The following ASIC2 variants were observed in gnomAD, a reference collection of about 807,000 sequenced individuals.
ASIC2 encodes the protein acid sensing ion channel subunit 2.
A neutral mutation model predicts 57.3 loss-of-function variants in ASIC2; 25 were observed. That is an observed-to-expected ratio of 0.44 (90% CI 0.32 to 0.61). The LOEUF is 0.61. Among genes scored for constraint, ASIC2 ranks in the 20% least tolerant of loss-of-function variants. The pLI, the probability that ASIC2 is intolerant of heterozygous loss-of-function variation, is 0.06. For synonymous variants in ASIC2, 319 were observed against 307.5 expected (o/e 1.04, Z -0.39); for missense variants, 641 against 738.1 (o/e 0.87, Z 1.52).
chr17:33,158,777 T>A (rs115896362), intron 1 of ASIC2, among the ~76,000 whole-genome samples: 2 of 152,246 alleles, frequency 1.3e-5, no homozygotes, highest in East Asian at 1.9e-4. Flanking sequence ...TATGGCATCA[T>A]GAAGATTCCA....
intron 1 of ASIC2, among the ~76,000 whole-genome samples, chr17:33,382,539 C>T (rs547718678): frequency 3.9e-5 from 6 of 152,268 alleles, no homozygotes; most frequent in African/African-American, 1.4e-4. Flanking sequence ...TATGTGAAGT[C>T]ACATAAGGAA....
At chr17:34,047,213 C>T (rs970183878) in intron 1 of ASIC2, among the ~76,000 whole-genome samples, 15 of 152,082 alleles carry the variant, frequency 9.9e-5, no homozygotes, top group South Asian at 4.1e-4. Flanking sequence ...CACATACATA[C>T]GTGTATGTAT....
chr17:33,646,115 C>A (rs551484115), intron 1 of ASIC2, among the ~76,000 whole-genome samples: 10 of 152,252 alleles, frequency 6.6e-5, no homozygotes, highest in African/African-American at 2.4e-4. Context: ...ATCCCCAGCT[C>A]ACCGGGGGTT....
intron 3 of ASIC2, among the ~76,000 whole-genome samples, chr17:33,077,543 G>A (rs941751184): frequency 6.6e-6 from 1 of 152,070 alleles, no homozygotes. Context: ...ACTCAAAGAG[G>A]GAGAGAGAGA....
At chr17:33,767,358 T>TTGTGTGTG (rs1315757899) in intron 1 of ASIC2, among the ~76,000 whole-genome samples, 3 of 152,170 alleles carry the variant, frequency 2.0e-5, no homozygotes, top group African/African-American at 7.2e-5. Flanking sequence ...TCACTCAGCT[T>TTGTGTGTG]TGTGTGTGTG....
At chr17:34,074,934 T>G (rs930207744) in intron 1 of ASIC2, among the ~76,000 whole-genome samples, 9 of 151,990 alleles carry the variant, frequency 5.9e-5, no homozygotes, top group African/African-American at 2.2e-4. Context: ...TACAGGCACC[T>G]GCCATCACGC....
intron 1 of ASIC2, among the ~76,000 whole-genome samples, chr17:33,364,618 G>T (rs552492366): frequency 2.6e-5 from 4 of 152,212 alleles, no homozygotes; most frequent in African/African-American, 9.6e-5. Context: ...GCCTTGTGAA[G>T]ATGTGCTTGC....
chr17:33,036,502 C>T (rs2141912505), intron 3 of ASIC2, among the ~76,000 whole-genome samples: 1 of 152,282 alleles, frequency 6.6e-6, no homozygotes, highest in South Asian at 2.1e-4. Context: ...ATGATCATAG[C>T]TCACTGCAAC....
chr17:34,126,526 G>A (rs1005173599), intron 1 of ASIC2, among the ~76,000 whole-genome samples: 7 of 152,276 alleles, frequency 4.6e-5, no homozygotes, highest in African/African-American at 1.7e-4. Flanking sequence ...GCAACATCAG[G>A]GAGAACACTG....
At chr17:33,298,406 G>A (rs987759529) in intron 1 of ASIC2, among the ~76,000 whole-genome samples, 2 of 152,144 alleles carry the variant, frequency 1.3e-5, no homozygotes, top group African/African-American at 4.8e-5. Context: ...CTTCATCCAT[G>A]TCCCTACAAA....
chr17:34,069,873 T>C (rs998945527), intron 1 of ASIC2: 4 of 152,158 alleles, frequency 2.6e-5, no homozygotes, highest in African/African-American at 9.7e-5. Context: ...TGGTTTAGGC[T>C]TGAAGCCCAA....
chr17:34,028,674 C>T (rs1301082050), intron 1 of ASIC2, among the ~76,000 whole-genome samples: 1 of 152,178 alleles, frequency 6.6e-6, no homozygotes, highest in Non-Finnish European at 1.5e-5. Context: ...GAAGAAATTT[C>T]GGAGCAGATA....
intron 1 of ASIC2, among the ~76,000 whole-genome samples, chr17:33,450,417 C>T (rs753613420): frequency 1.3e-5 from 2 of 152,108 alleles, no homozygotes; most frequent in Non-Finnish European, 2.9e-5. Flanking sequence ...GTTCTCTTTC[C>T]ACTTTTCACT....
chr17:33,801,664 A>G (rs1177375617), intron 1 of ASIC2, among the ~76,000 whole-genome samples: 1 of 152,256 alleles, frequency 6.6e-6, no homozygotes, highest in Non-Finnish European at 1.5e-5. Context: ...TAGTGTCTCA[A>G]CACGTTAATC....
intron 1 of ASIC2, among the ~76,000 whole-genome samples, chr17:33,249,557 A>G (rs1234659486): frequency 6.6e-6 from 1 of 152,164 alleles, no homozygotes; most frequent in Non-Finnish European, 1.5e-5. Context: ...AAGGACCAGG[A>G]CAGGGTCCTG....
Position 34,086,739 on chromosome 17 carries a change from T to C in ASIC2, c.555+69239A>G, listed in dbSNP as rs562834224. Among the ~76,000 whole-genome samples, 1,061 of 152,330 alleles carry C rather than the reference T, an allele frequency of 7.0e-3. 17 individuals carry two copies. The highest frequency in any genetic ancestry group is 0.024 in the African/African-American group (990 of 41,576). On this transcript the variant is annotated intron_variant, in intron 1 of 9. Coordinates refer to the ASIC2 transcript ENST00000359872. ...TGGGTGCTCCTGTATTGGGTGCGTA[T>C]ATATTTAGGATAGTTAGCTCTTCTT...
chr17:33,932,459 T>C (rs1915951245), intron 1 of ASIC2: 1 of 151,782 alleles, frequency 6.6e-6, no homozygotes, highest in Admixed American at 6.6e-5. Flanking sequence ...ATCCCAGCAC[T>C]TGGGGAGGCT....
chr17:33,404,478 T>A (rs1192997281), intron 1 of ASIC2, among the ~76,000 whole-genome samples: 1 of 152,208 alleles, frequency 6.6e-6, no homozygotes, highest in African/African-American at 2.4e-5. Context: ...TCCAGATTAG[T>A]TTGCTTTTAG....
In ASIC2 at chr17:33,788,704, T is replaced by C. The variant is rs1258529340; in HGVS notation, c.555+367274A>G. Among the ~76,000 whole-genome samples the C allele has an allele frequency of 3.3e-5, 5 of 152,316 alleles. No individual in the cohort carries two copies. In the East Asian group the frequency reaches 7.7e-4, roughly 23 times the overall value. The stretch of plus-strand genomic sequence containing the variant: ...AAGACAATGTGGTACATATACACCA[T>C]GGATTACTATGCAGCCATAAAAAGG... On this transcript the variant is annotated intron_variant, in intron 1 of 9. Coordinates refer to the ASIC2 transcript ENST00000359872.
Sources: allele counts gnomAD v4.1 joint callset (sites outside exome capture counted in the v4.1 genomes callset), GRCh38; gene constraint gnomAD v4.1.1; transcripts MANE v1.5; gene names NCBI Gene and HGNC (gene_info 2026-07-23, HGNC 2026-07-21).